The following MED27 variants were observed in gnomAD, a reference collection of about 807,000 sequenced individuals.
MED27 encodes mediator complex subunit 27.
A neutral mutation model predicts 38.2 loss-of-function variants in MED27; 30 were observed. That is an observed-to-expected ratio of 0.79 (90% CI 0.59 to 1.07). The LOEUF (loss-of-function observed/expected upper bound fraction) is 1.07. MED27 is among the 50% of genes least tolerant of loss of function. MED27 has a pLI of 0.00. For synonymous variants in MED27, 122 were observed against 153.5 expected, an observed-to-expected ratio of 0.79 and a Z score of 1.52; for missense variants, 289 against 397.5, an observed-to-expected ratio of 0.73 and a Z score of 2.32.
At chr9:131,941,843 T>TTTTTTTTTTTG (rs57786480) in intron 3 of MED27, among the ~76,000 whole-genome samples, 1 of 139,930 alleles carries the variant, frequency 7.1e-6, no homozygotes, top group African/African-American at 2.9e-5. Flanking sequence ...TTTTTTTTTT[T>TTTTTTTTTTTG]GAGACCGAGT....
intron 4 of MED27, among the ~76,000 whole-genome samples, chr9:131,930,856 C>T (rs900622676): frequency 2.0e-4 from 30 of 151,978 alleles, no homozygotes; most frequent in Admixed American, 1.8e-3. Flanking sequence ...AGTTAAAAAG[C>T]GGGGCCATGA....
At chr9:132,069,390 T>C (rs1419075604) in intron 2 of MED27, among the ~76,000 whole-genome samples, 1 of 152,120 alleles carries the variant, frequency 6.6e-6, no homozygotes, top group Non-Finnish European at 1.5e-5. Flanking sequence ...AACTAATAAG[T>C]AGAACATAAA....
intron 6 of MED27, among the ~76,000 whole-genome samples, chr9:131,866,364 G>T (rs891639828): frequency 3.3e-5 from 5 of 152,248 alleles, no homozygotes; most frequent in Admixed American, 2.6e-4. Flanking sequence ...ATCTCAAGTG[G>T]TCTTCCAGAC....
chr9:131,881,800 CTTTTTTTTTTT>C (rs61624043), intron 6 of MED27, among the ~76,000 whole-genome samples: 187 of 60,978 alleles, frequency 3.1e-3, no homozygotes, highest in African/African-American at 0.01. Flanking sequence ...TCTTCTTCTT[CTTTTTTTTTTT>C]TTTTTTTTTT....
intron 4 of MED27, among the ~76,000 whole-genome samples, chr9:131,902,314 C>T (rs530044251): frequency 6.6e-6 from 1 of 152,100 alleles, no homozygotes; most frequent in African/African-American, 2.4e-5. Flanking sequence ...ACAGCAGGCT[C>T]GAGAGCTGCG....
intron 4 of MED27, among the ~76,000 whole-genome samples, chr9:131,937,084 TGG>T (rs1830699038): frequency 1.3e-5 from 2 of 152,304 alleles, no homozygotes; most frequent in Admixed American, 1.3e-4. Flanking sequence ...CAGTAGGTAG[TGG>T]GGGAGGTGGC....
intron 4 of MED27, among the ~76,000 whole-genome samples, chr9:131,922,392 A>G (rs1564284367): frequency 2.0e-5 from 3 of 150,238 alleles, no homozygotes; most frequent in South Asian, 4.2e-4. Flanking sequence ...TTGGTGTTCA[A>G]TTGTCCTGGG....
At chr9:132,067,837 C>T (rs1389548969) in intron 2 of MED27, among the ~76,000 whole-genome samples, 2 of 151,700 alleles carry the variant, frequency 1.3e-5, no homozygotes, top group African/African-American at 4.8e-5. Flanking sequence ...TCAGCCTCCC[C>T]AGTAGCTGGG....
chr9:131,904,004 T>C (rs1166645597), intron 4 of MED27, among the ~76,000 whole-genome samples: 1 of 152,052 alleles, frequency 6.6e-6, no homozygotes, highest in Non-Finnish European at 1.5e-5. Context: ...GTTCAAGTGA[T>C]TCTCCTGCCT....
chr9:132,011,303 A>T (rs551112679), intron 3 of MED27, among the ~76,000 whole-genome samples: 1 of 152,344 alleles, frequency 6.6e-6, no homozygotes, highest in African/African-American at 2.4e-5. Flanking sequence ...AACAATATCC[A>T]TCCTAATCTT....
chr9:131,959,254 G>A lies in MED27; in HGVS notation c.480-19780C>T, dbSNP rs7035338. Among the ~76,000 whole-genome samples the A allele has an allele frequency of 5.4e-3, 809 of 150,528 alleles. 15 individuals are homozygous for A. Among genetic ancestry groups the A allele is most frequent in the African/African-American group, 0.018 (745 of 40,780 alleles). ...CAGTATCTTCTTTCATAAGGTGGCT[G>A]TGAAGACTAAATGCGTAAGGCATGG... On this transcript the variant is annotated intron_variant, in intron 3 of 7. Transcript: ENST00000292035.
At chr9:131,916,790 G>A (rs1392156603) in intron 4 of MED27, among the ~76,000 whole-genome samples, 2 of 152,132 alleles carry the variant, frequency 1.3e-5, no homozygotes, top group Non-Finnish European at 2.9e-5. Flanking sequence ...AGCAATATAT[G>A]ATACTGTAGG....
chr9:131,936,777 C>A (rs181729197), intron 4 of MED27, among the ~76,000 whole-genome samples: 1 of 152,308 alleles, frequency 6.6e-6, no homozygotes, highest in East Asian at 1.9e-4. Flanking sequence ...CAACTCTTTC[C>A]TTATGTAAGT....
At chr9:131,942,463 G>A (rs1244118228) in intron 3 of MED27, among the ~76,000 whole-genome samples, 1 of 152,146 alleles carries the variant, frequency 6.6e-6, no homozygotes, top group Non-Finnish European at 1.5e-5. Context: ...GACTCAGCAG[G>A]AAGCAAACAT....
intron 2 of MED27, among the ~76,000 whole-genome samples, chr9:132,028,166 C>T (rs987754557): frequency 2.0e-5 from 3 of 152,224 alleles, no homozygotes; most frequent in African/African-American, 2.4e-5. Context: ...CTACCTGGAA[C>T]GCTCTTCACC....
chr9:131,861,157 T>TG lies in MED27; in HGVS notation c.802-486dup, dbSNP rs1015425701. Reference sequence around the variant, plus strand: ...TTCTAGCTAATCTGATTTCAGAGGTTGTCACTCATTGTCACAGTGTGGCCT... The same window carrying TG: ...TTCTAGCTAATCTGATTTCAGAGGTTGGTCACTCATTGTCACAGTGTGGCCT... On this transcript the variant is annotated intron_variant, in intron 7 of 7. Transcript: ENST00000292035. The surrounding 1 kb of genome is among the most constrained non-coding windows in gnomAD (Gnocchi z 4.4). Among the ~76,000 whole-genome samples, 56 of 152,142 alleles carry TG rather than the reference T, an allele frequency of 3.7e-4. No individual in the cohort carries two copies. Among genetic ancestry groups the TG allele is most frequent in the African/African-American group, 1.3e-3 (56 of 41,494 alleles).
At chr9:131,890,755 C>T (rs763244599) in intron 5 of MED27, among the ~76,000 whole-genome samples, 1 of 152,124 alleles carries the variant, frequency 6.6e-6, no homozygotes, top group Non-Finnish European at 1.5e-5. Context: ...AGATCCAGCC[C>T]TGTGTGGCTG....
At chr9:131,924,637 C>G (rs1318318935) in intron 4 of MED27, among the ~76,000 whole-genome samples, 2 of 152,106 alleles carry the variant, frequency 1.3e-5, no homozygotes, top group African/African-American at 4.8e-5. Context: ...TCCACATGTA[C>G]TTGGGTCTAT....
At chr9:132,027,152 T>A (rs1362696277) in intron 2 of MED27, among the ~76,000 whole-genome samples, 2 of 151,968 alleles carry the variant, frequency 1.3e-5, no homozygotes, top group Non-Finnish European at 2.9e-5. Flanking sequence ...ATCAACGGAG[T>A]GAGGATGGTG....
Sources: allele counts gnomAD v4.1 joint callset (sites outside exome capture counted in the v4.1 genomes callset), GRCh38; gene constraint gnomAD v4.1.1; non-coding constraint Gnocchi (gnomAD v3.1); transcripts MANE v1.5; gene names NCBI Gene and HGNC (gene_info 2026-07-23, HGNC 2026-07-21).